MZF1: variants seen among roughly 807,000 people sequenced by gnomAD.
MZF1 encodes the protein myeloid zinc finger 1.
MZF1 carries 24 observed loss-of-function variants against 28.6 expected under a neutral mutation model. The observed-to-expected ratio is 0.84, with a 90% CI of 0.61 to 1.18. MZF1 has a LOEUF of 1.18. MZF1 is among the 50% of genes most tolerant of loss of function. MZF1 has a pLI of 0.00. For missense variants in MZF1, 1,166 were observed against 1,026.4 expected (o/e 1.14, Z -1.86); for synonymous variants, 516 against 432.5 (o/e 1.19, Z -2.40).
intron 5 of MZF1, chr19:58,564,702 T>C (rs142506607): frequency 8.5e-5 from 13 of 152,252 alleles, no homozygotes; most frequent in African/African-American, 3.1e-4. Flanking sequence ...AATTTTTAGG[T>C]ACTTCTTCAA....
intron 5 of MZF1, among the ~76,000 whole-genome samples, chr19:58,567,224 C>G (rs903533181): frequency 1.3e-5 from 2 of 152,178 alleles, no homozygotes; most frequent in Admixed American, 1.3e-4. Context: ...ATTCTAAAAA[C>G]TCAGGAGTTG....
At chr19:58,572,064 GCT>G (rs542406409) in intron 1 of MZF1, 1 of 159,924 alleles carries the variant, frequency 6.3e-6, no homozygotes, top group East Asian at 1.9e-4. Context: ...CTGCGCTACA[GCT>G]CTCTCTTTAC....
chr19:58,562,026 A>C lies in MZF1; in HGVS notation c.*46T>G. On this transcript the variant is annotated 3_prime_UTR_variant, in exon 6 of 6. Coordinates refer to ENST00000215057, the MANE Select transcript of MZF1 (RefSeq NM_198055.2). Reference sequence around the variant, plus strand: ...TCGCCAGCCTCACAATAACCAGGGGAGGTAGGTGTTCTGACCATGGCGGAC... The same window carrying C: ...TCGCCAGCCTCACAATAACCAGGGGCGGTAGGTGTTCTGACCATGGCGGAC... 6.6e-7 allele frequency: 1 copy of C among 1,518,602 alleles called. No individual in the cohort carries two copies. Among genetic ancestry groups the C allele is most frequent in the East Asian group, 2.5e-5 (1 of 40,816 alleles). The allele number at this position is 1,518,602 out of a possible 1,614,324, so 94.1% of individuals were successfully genotyped here.
chr19:58,571,230 C>G lies in MZF1; in HGVS notation c.160G>C (p.Glu54Gln), dbSNP rs556914659. 3 of 1,612,628 alleles carry G rather than the reference C, an allele frequency of 1.9e-6. No homozygotes were observed. The African/African-American group carries it at 4.0e-5, about 21-fold the overall frequency. Residue 54 changes from glutamate (E) to glutamine (Q), a missense_variant, in exon 2 of 6, where the codon GAG becomes CAG. By Grantham distance (29) the Glu-to-Gln change is conservative. Coordinates refer to ENST00000215057, the MANE Select transcript of MZF1 (RefSeq NM_198055.2). Reference protein sequence around the residue: ...RLRFRCFRYEEATGPQEALAQ... With the variant: ...RLRFRCFRYEQATGPQEALAQ... ...AGGGCCTCTTGGGGCCCTGTGGCCT[C>G]CTCATAGCGGAAGCACCGGAAACGC...
chr19:58,567,333 G>A lies in MZF1; in HGVS notation c.772+1944C>T, dbSNP rs1600104137. The stretch of plus-strand genomic sequence containing the variant: ...GCAGATGCTGGGCAGGGCTGCTGCT[G>A]TGGGCTCTGTCTGCACAGAATTCTG... On this transcript the variant is annotated intron_variant, in intron 5 of 5. Transcript: ENST00000215057. Among the ~76,000 whole-genome samples the A allele has an allele frequency of 4.6e-5, 7 of 152,360 alleles. 1 individual carries two copies. Among genetic ancestry groups the A allele is most frequent in the Admixed American group, 4.6e-4 (7 of 15,310 alleles).
chr19:58,571,058 C>T lies in MZF1; in HGVS notation c.332G>A (p.Ser111Asn), dbSNP rs757271711. Residue 111 changes from serine to asparagine, a missense_variant, in exon 2 of 6, where the codon AGC becomes AAC. By Grantham distance (46) the Ser-to-Asn change is conservative. Transcript: ENST00000215057. ...QARVQGQRPG[S>N]PEEAAALVDG... ...TACTAGGGCAGCAGCCTCCTCGGGG[C>T]TGCCTGGCCGCTGCCCCTGCACACG... 35 of 1,612,666 alleles carry T rather than the reference C, an allele frequency of 2.2e-5. No individual in the cohort carries two copies. The highest frequency in any genetic ancestry group is 2.9e-5 in the Non-Finnish European group (34 of 1,179,756).
chr19:58,567,046 G>A (rs1373504331), intron 5 of MZF1, among the ~76,000 whole-genome samples: 1 of 152,104 alleles, frequency 6.6e-6, no homozygotes, highest in Non-Finnish European at 1.5e-5. Context: ...GGGACTACAA[G>A]TACGTGCCAC....
chr19:58,572,709 A>G, intron 1 of MZF1: 1 of 1,053,434 alleles, frequency 9.5e-7, no homozygotes, highest in Non-Finnish European at 1.3e-6. Flanking sequence ...GTGCCAAGTC[A>G]ACCTGAAACC....
chr19:58,563,291 G>A lies in MZF1; in HGVS notation c.986C>T (p.Ala329Val). ...GGAGCGCCAGCGGGTGGTGATCAGA[G>A]CAGGGCCCACACCCCGGCAGGGATC... ...DEDPCRGVGPALITTRWRSPR... is the reference protein window; with the variant it reads ...DEDPCRGVGPVLITTRWRSPR... Residue 329 changes from alanine (A) to valine (V), a missense_variant, in exon 6 of 6, where the codon GCT becomes GTT. By Grantham distance (64) the Ala-to-Val change is moderately conservative. Coordinates refer to ENST00000215057, the MANE Select transcript of MZF1 (RefSeq NM_198055.2). 6.2e-7 allele frequency: 1 copy of A among 1,607,874 alleles called. No homozygotes were observed. Among genetic ancestry groups the A allele is most frequent in the Non-Finnish European group, 8.5e-7 (1 of 1,177,736 alleles).
At chr19:58,566,185 G>A (rs895925262) in intron 5 of MZF1, among the ~76,000 whole-genome samples, 2 of 149,618 alleles carry the variant, frequency 1.3e-5, no homozygotes, top group Admixed American at 6.7e-5. Context: ...GGTGGCTCAC[G>A]CCTGTGATCC....
intron 5 of MZF1, chr19:58,568,416 A>T (rs2054096082): frequency 6.6e-6 from 1 of 152,232 alleles, no homozygotes; most frequent in African/African-American, 2.4e-5. Context: ...AGTAAGAGGC[A>T]TCCCAGAAAC....
intron 5 of MZF1, 89 bp from the exon 6 acceptor site, chr19:58,563,593 G>A: frequency 8.6e-7 from 1 of 1,159,638 alleles, no homozygotes. Context: ...GTGAACTACA[G>A]GGACCTGAAA....
At chr19:58,572,656 C>G in intron 1 of MZF1, 3 of 1,285,220 alleles carry the variant, frequency 2.3e-6, no homozygotes, top group Non-Finnish European at 2.0e-6. Context: ...GCATCGATTT[C>G]GAGGGCCGCC....
In MZF1 at chr19:58,571,213, T is replaced by C. The variant is rs1021795122; in HGVS notation, c.177A>G (p.Gln59=). The C allele has an allele frequency of 2.5e-6, 4 of 1,612,864 alleles. No individual in the cohort carries two copies. Residue 59 remains glutamine, a synonymous_variant, in exon 2 of 6, where the codon CAA becomes CAG. Transcript: ENST00000215057. The part of the protein sequence containing the change: ...CFRYEEATGP[Q]EALAQLRELC... ...GCTCTCGGAGCTGGGCCAGGGCCTC[T>C]TGGGGCCCTGTGGCCTCCTCATAGC... is the stretch of plus-strand genomic sequence containing the variant.
At chr19:58,565,683 C>T (rs2054037201) in intron 5 of MZF1, among the ~76,000 whole-genome samples, 1 of 151,580 alleles carries the variant, frequency 6.6e-6, no homozygotes, top group Non-Finnish European at 1.5e-5. Context: ...CAGGCGCCCG[C>T]CACCACGCCT....
chr19:58,563,067 G>T lies in MZF1; in HGVS notation c.1210C>A (p.Leu404Ile). 1 of 1,603,452 alleles carries T rather than the reference G, an allele frequency of 6.2e-7. No individual in the cohort carries two copies. ...SRSSHLLRHQ[L>I]THTEERPFVC... ...AACGGCCGCTCCTCGGTGTGCGTAA[G>T]CTGGTGGCGCAGCAGGTGCGAGCTG... The change falls in exon 6 of 6, where the codon CTT becomes ATT. Residue 404 changes from leucine (L) to isoleucine (I), a missense_variant. By Grantham distance (5) the Leu-to-Ile change is conservative (BLOSUM62 2). Coordinates refer to ENST00000215057, the MANE Select transcript of MZF1 (RefSeq NM_198055.2).
Position 58,562,930 on chromosome 19 carries a change from G to T in MZF1, c.1347C>A (p.Phe449Leu). 3.1e-6 allele frequency: 5 copies of T among 1,595,550 alleles called. No homozygotes were observed. Among genetic ancestry groups the T allele is most frequent in the Non-Finnish European group, 4.3e-6 (5 of 1,175,950 alleles). Residue 449 changes from phenylalanine (F) to leucine (L), a missense_variant, in exon 6 of 6, where the codon TTC becomes TTA. Transcript: ENST00000215057. The stretch of plus-strand genomic sequence containing the variant: ...GCTGCAGCAGATTGGAGCGCTGCCG[G>T]AAGCTCTGGCCGCACTCAGCGCAAC... Reference protein sequence around the residue: ...PFRCAECGQSFRQRSNLLQHQ... With the variant: ...PFRCAECGQSLRQRSNLLQHQ...
chr19:58,564,747 T>A (rs2122692909), intron 5 of MZF1: 1 of 152,234 alleles, frequency 6.6e-6, no homozygotes, highest in South Asian at 2.1e-4. Flanking sequence ...GTGACCTACA[T>A]ACAAGGTTTT....
chr19:58,567,772 C>G (rs1285513293), intron 5 of MZF1, among the ~76,000 whole-genome samples: 3 of 152,218 alleles, frequency 2.0e-5, no homozygotes, highest in Non-Finnish European at 2.9e-5. Flanking sequence ...TGGTGCCCCT[C>G]TCTTGCATAT....
Sources: gnomAD v4.1 joint callset for allele counts (sites outside exome capture counted in the v4.1 genomes callset) on GRCh38, gnomAD v4.1.1 for gene constraint, MANE v1.5 for transcripts, NCBI Gene and HGNC (gene_info 2026-07-23, HGNC 2026-07-21) for gene names.